ARHGEF9: variants seen among roughly 807,000 people sequenced by gnomAD.
The protein encoded by ARHGEF9 is rho guanine nucleotide exchange factor 9.
In ARHGEF9, 2 loss-of-function variants were observed where a neutral mutation model predicts 41.3. The ratio of observed to expected loss-of-function variants is 0.05; its 90% confidence interval spans 0.02 to 0.15. The LOEUF (loss-of-function observed/expected upper bound fraction) is 0.15. ARHGEF9 is among the 10% of genes least tolerant of loss of function. ARHGEF9 has a pLI of 1.00. For synonymous variants in ARHGEF9, 160 were observed against 154.4 expected (o/e 1.04, Z -0.27); for missense variants, 225 against 424.7 (o/e 0.53, Z 4.13).
At position 63,696,016 on chromosome X, in the gene ARHGEF9, T is replaced by A. The variant is rs1346887736; in HGVS notation, c.582+1109A>T. Reference sequence around the variant, plus strand: ...CTGGTTTCCTCTGCACTTTGCCCTGTGTGCCTTTTCCTTTTGCTGATTTTA... The same window carrying A: ...CTGGTTTCCTCTGCACTTTGCCCTGAGTGCCTTTTCCTTTTGCTGATTTTA... On this transcript the variant is annotated intron_variant, in intron 4 of 9. Coordinates refer to ENST00000671741, the MANE Select transcript of ARHGEF9 (RefSeq NM_001353921.2). Among the ~76,000 whole-genome samples, 3 of 111,924 alleles carry A rather than the reference T, an allele frequency of 2.7e-5. No individual in the cohort carries two copies. In the East Asian group the frequency reaches 8.5e-4, roughly 32 times the overall value.
chrX:63,656,075 G>A (rs1291246259), intron 7 of ARHGEF9, among the ~76,000 whole-genome samples: 1 of 111,746 alleles, frequency 8.9e-6, no homozygotes, highest in African/African-American at 3.3e-5. Flanking sequence ...ACATCAGCAA[G>A]CCCACTAGAG....
intron 1 of ARHGEF9, among the ~76,000 whole-genome samples, chrX:63,749,599 G>A (rs1556438388): frequency 8.9e-6 from 1 of 111,899 alleles, no homozygotes; most frequent in Non-Finnish European, 1.9e-5. Flanking sequence ...CTATTTGAAA[G>A]GCAGACCCAC....
At chrX:63,639,308 G>A (rs1388467152) in intron 9 of ARHGEF9, 4 of 111,611 alleles carry the variant, frequency 3.6e-5, no homozygotes, top group African/African-American at 1.3e-4. Flanking sequence ...GAAGTATGAG[G>A]GTACTGAATG....
At position 63,668,426 on chromosome X, in the gene ARHGEF9, C is replaced by T. The variant is rs372479546; in HGVS notation, c.946-2409G>A. ...GTGCTGGAATTACAGATGTTAGCCA[C>T]GGTGCCCAGCATCAATTATATTTTA... On this transcript the variant is annotated intron_variant, in intron 6 of 9. Transcript: ENST00000671741. 7.2e-5 allele frequency among the ~76,000 whole-genome samples: 8 copies of T among 111,647 alleles called. No individual in the cohort carries two copies. In the South Asian group the frequency reaches 1.9e-3, roughly 27 times the overall value.
intron 7 of ARHGEF9, chrX:63,657,871 G>C (rs2048969162): frequency 8.9e-6 from 1 of 111,988 alleles, no homozygotes; most frequent in African/African-American, 3.2e-5. Flanking sequence ...GGTTTGAATT[G>C]TGCCTTACCA....
At chrX:63,737,791 C>T (rs1172253610) in intron 1 of ARHGEF9, among the ~76,000 whole-genome samples, 1 of 111,702 alleles carries the variant, frequency 9.0e-6, no homozygotes, top group East Asian at 2.8e-4. Context: ...ATGAGTTGTT[C>T]CATTTTAAAG....
intron 2 of ARHGEF9, among the ~76,000 whole-genome samples, chrX:63,723,606 G>C: frequency 8.9e-6 from 1 of 112,177 alleles, no homozygotes; most frequent in Middle Eastern, 4.6e-3. Flanking sequence ...ACTGTGACAT[G>C]CCCTGGCATT....
chrX:63,651,694 A>T (rs1244638722), intron 8 of ARHGEF9, among the ~76,000 whole-genome samples: 1 of 111,141 alleles, frequency 9.0e-6, no homozygotes, highest in Non-Finnish European at 1.9e-5. Flanking sequence ...GGAATAATAG[A>T]TACATTTTTC....
intron 2 of ARHGEF9, chrX:63,719,540 G>T: frequency 3.5e-6 from 1 of 289,233 alleles, no homozygotes; most frequent in South Asian, 2.3e-4. Flanking sequence ...GGCAATGAAT[G>T]ACAGAACACA....
In ARHGEF9 at chrX:63,647,821, T is replaced by C. The variant is rs1469560751; in HGVS notation, c.1322-3773A>G. On this transcript the variant is annotated intron_variant, in intron 8 of 9. Transcript: ENST00000671741. ...AGAAGGAATGGTACCAGCTCCTCCT[T>C]GTACCTCTGGTAGAATTTGGCTGTG... Among the ~76,000 whole-genome samples, 188 of 111,476 alleles carry C rather than the reference T, an allele frequency of 1.7e-3. 1 individual carries two copies. Among genetic ancestry groups the C allele is most frequent in the Non-Finnish European group, 3.1e-3 (166 of 53,091 alleles).
chrX:63,653,159 G>A (rs1392897833), intron 8 of ARHGEF9, among the ~76,000 whole-genome samples: 1 of 111,547 alleles, frequency 9.0e-6, no homozygotes, highest in Non-Finnish European at 1.9e-5. Flanking sequence ...TAGATAATCT[G>A]GATGGACCTG....
chrX:63,674,221 G>A, intron 5 of ARHGEF9, 54 bp from the exon 6 acceptor site: 1 of 1,175,846 alleles, frequency 8.5e-7, no homozygotes, highest in Non-Finnish European at 1.2e-6. Flanking sequence ...AAGAACCAAT[G>A]TGCTAGGTGC....
chrX:63,649,497 T>A (rs1200352143), intron 8 of ARHGEF9, among the ~76,000 whole-genome samples: 207 of 110,982 alleles, frequency 1.9e-3, no homozygotes, highest in Middle Eastern at 4.7e-3. Flanking sequence ...GGAAAGATCT[T>A]AAATTGACAC....
chrX:63,664,365 T>C (rs868980040), intron 7 of ARHGEF9, among the ~76,000 whole-genome samples: 3 of 112,650 alleles, frequency 2.7e-5, no homozygotes, highest in African/African-American at 6.4e-5. Context: ...TTAGTTAAAG[T>C]AATCCCAGCC....
chrX:63,673,564 C>T (rs1216043471), intron 6 of ARHGEF9, among the ~76,000 whole-genome samples: 2 of 110,528 alleles, frequency 1.8e-5, no homozygotes, highest in East Asian at 5.7e-4. Flanking sequence ...CTATAGTGTA[C>T]AGGCCTAATA....
chrX:63,772,687 A>T, intron 1 of ARHGEF9, among the ~76,000 whole-genome samples: 1 of 111,398 alleles, frequency 9.0e-6, no homozygotes, highest in East Asian at 2.8e-4. Flanking sequence ...CCACTGAACC[A>T]CACTAACTTT....
intron 6 of ARHGEF9, among the ~76,000 whole-genome samples, chrX:63,670,536 GA>G (rs782349351): frequency 9.7e-4 from 97 of 100,132 alleles, no homozygotes; most frequent in Middle Eastern, 5.1e-3. Flanking sequence ...CAAATCTCCA[GA>G]AAAAAAAAAA....
Position 63,674,267 on chromosome X carries a change from AAC to A in ARHGEF9, c.816-102_816-101del. On this transcript the variant is annotated intron_variant, in intron 5 of 9. Transcript: ENST00000671741. ...ATCCACTCTCCTCTACCTCCTTAGT[AAC>A]AGAGTCCTGATTTTCAGATGGGAAC... 1.2e-5 allele frequency: 11 copies of A among 939,888 alleles called. No individual in the cohort carries two copies. The South Asian group carries it at 2.3e-4, about 19-fold the overall frequency. The allele number at this position is 939,888 out of a possible 1,213,427, so 77.5% of individuals were successfully genotyped here.
Position 63,636,957 on chromosome X carries a change from T to C in ARHGEF9, c.*1071A>G. 2 of 297,211 alleles carry C rather than the reference T, an allele frequency of 6.7e-6. No individual in the cohort carries two copies. The highest frequency in any genetic ancestry group is 4.8e-5 in the East Asian group (1 of 21,034). The allele number at this position is 297,211 out of a possible 1,213,427, so 24.5% of individuals were successfully genotyped here. The stretch of plus-strand genomic sequence containing the variant: ...AGGGACAACCAGGACACTGAACTGA[T>C]TGCTGTAGAGATCACTGCCCTAAAC... On this transcript the variant is annotated 3_prime_UTR_variant, in exon 10 of 10. Transcript: ENST00000671741.
Sources: gnomAD v4.1 joint callset for allele counts (sites outside exome capture counted in the v4.1 genomes callset) on GRCh38, gnomAD v4.1.1 for gene constraint, MANE v1.5 for transcripts, NCBI Gene and HGNC (gene_info 2026-07-23, HGNC 2026-07-21) for gene names.